Variants in ROCK1 observed in about 807,000 individuals in gnomAD.
The protein encoded by ROCK1 is Rho associated coiled-coil containing protein kinase 1.
Under a neutral mutation model 196.8 loss-of-function variants are expected in ROCK1, and 36 were observed. The observed-to-expected ratio is 0.18, with a 90% CI of 0.14 to 0.24. ROCK1 has a LOEUF of 0.24. ROCK1 is among the 10% of genes least tolerant of loss of function. ROCK1 has a pLI of 1.00. For synonymous variants in ROCK1, 443 were observed against 515.9 expected, an observed-to-expected ratio of 0.86 and a Z score of 1.91; for missense variants, 920 against 1,562.0, an observed-to-expected ratio of 0.59 and a Z score of 6.93.
chr18:21,052,735 C>CT (rs1181498208), intron 2 of ROCK1, among the ~76,000 whole-genome samples: 1 of 151,976 alleles, frequency 6.6e-6, no homozygotes, highest in South Asian at 2.1e-4. Context: ...TTATGAGAAT[C>CT]TTTTTTTAAT....
intron 1 of ROCK1, among the ~76,000 whole-genome samples, chr18:21,106,869 A>T (rs2036707490): frequency 6.6e-6 from 1 of 152,248 alleles, no homozygotes; most frequent in African/African-American, 2.4e-5. Flanking sequence ...AAGATTGGAT[A>T]GCCACTTATC....
chr18:21,023,641 G>T lies in ROCK1; in HGVS notation c.1251C>A (p.Ser417Arg). Residue 417 changes from serine (S) to arginine (R), a missense_variant, in exon 11 of 33, where the codon AGC becomes AGA. Ser to Arg is a moderately radical substitution (Grantham distance 110). This residue lies in a region of ROCK1 where 520 missense variants were observed against 657.1 expected (regional missense o/e 0.79). Transcript: ENST00000399799. ...CTACCAAGCTTTTATCTGCATTGGA[G>T]CTAGTTCTGTTATCATTAGGATTTG... is the stretch of plus-strand genomic sequence containing the variant. The part of the protein sequence containing the change: ...SSANPNDNRT[S>R]SNADKSLQES... 1 of 1,576,364 alleles carries T rather than the reference G, an allele frequency of 6.3e-7. No homozygotes were observed. The highest frequency in any genetic ancestry group is 8.6e-7 in the Non-Finnish European group (1 of 1,159,094).
intron 13 of ROCK1, among the ~76,000 whole-genome samples, chr18:21,012,872 T>C (rs553937710): frequency 6.6e-6 from 1 of 152,334 alleles, no homozygotes; most frequent in East Asian, 1.9e-4. Flanking sequence ...TTTTTCTTTG[T>C]TGAAGGTCTC....
At chr18:21,107,353 C>G (rs1480703422) in intron 1 of ROCK1, among the ~76,000 whole-genome samples, 1 of 152,044 alleles carries the variant, frequency 6.6e-6, no homozygotes, top group Non-Finnish European at 1.5e-5. Context: ...TTGGAAGTTT[C>G]CATTTCTAAG....
At chr18:21,042,010 G>T in intron 8 of ROCK1, 87 bp downstream of exon 8, 1 of 1,189,834 alleles carries the variant, frequency 8.4e-7, no homozygotes, top group Non-Finnish European at 1.2e-6. Flanking sequence ...CAATTTACAT[G>T]TAGAAGCTCA....
chr18:20,967,968 A>G, intron 25 of ROCK1, 28 bp from the exon 26 acceptor site: 2 of 1,415,866 alleles, frequency 1.4e-6, no homozygotes, highest in Non-Finnish European at 1.9e-6. Flanking sequence ...ATAAAGATCA[A>G]TAGTGTAGTC....
chr18:21,027,750 ATTTTTTTTTTTTTTT>A (rs751964514), intron 10 of ROCK1, among the ~76,000 whole-genome samples: 3 of 95,288 alleles, frequency 3.1e-5, no homozygotes, highest in African/African-American at 1.1e-4. Context: ...GAATCACTTA[ATTTTTTTTTTTTTTT>A]TTTTTTTTTT....
At chr18:21,098,788 T>C (rs1449599471) in intron 1 of ROCK1, among the ~76,000 whole-genome samples, 1 of 152,094 alleles carries the variant, frequency 6.6e-6, no homozygotes, top group Non-Finnish European at 1.5e-5. Flanking sequence ...GCCCTTAAAA[T>C]ATGAAAAGAT....
chr18:21,082,951 C>T (rs929030313), intron 1 of ROCK1, among the ~76,000 whole-genome samples: 4 of 152,012 alleles, frequency 2.6e-5, no homozygotes, highest in African/African-American at 7.2e-5. Flanking sequence ...CACACCAAAA[C>T]AAAACAAAAC....
chr18:21,005,683 C>T (rs1298312474), intron 16 of ROCK1, among the ~76,000 whole-genome samples: 1 of 151,982 alleles, frequency 6.6e-6, no homozygotes, highest in Non-Finnish European at 1.5e-5. Context: ...TTGAGACCAG[C>T]CTGGGCAAAA....
At chr18:21,065,299 TTA>T (rs1362488002) in intron 2 of ROCK1, among the ~76,000 whole-genome samples, 1 of 152,324 alleles carries the variant, frequency 6.6e-6, no homozygotes, top group African/African-American at 2.4e-5. Flanking sequence ...ACCATAGCTA[TTA>T]TGTCACTTTT....
intron 12 of ROCK1, among the ~76,000 whole-genome samples, chr18:21,018,789 A>G (rs2143459881): frequency 6.6e-6 from 1 of 152,286 alleles, no homozygotes; most frequent in East Asian, 1.9e-4. Flanking sequence ...CTCTGTCACA[A>G]AATTACCAGT....
intron 1 of ROCK1, among the ~76,000 whole-genome samples, chr18:21,074,672 T>C (rs1205079114): frequency 6.6e-6 from 1 of 152,222 alleles, no homozygotes; most frequent in African/African-American, 2.4e-5. Context: ...ACAGAAATTA[T>C]GTATTTAGCT....
chr18:21,104,454 G>A (rs1296320724), intron 1 of ROCK1, among the ~76,000 whole-genome samples: 3 of 152,004 alleles, frequency 2.0e-5, no homozygotes, highest in Non-Finnish European at 2.9e-5. Context: ...AAAATTAGCC[G>A]GGTGCGGTGG....
chr18:21,083,199 A>C (rs2143572957), intron 1 of ROCK1, among the ~76,000 whole-genome samples: 1 of 152,346 alleles, frequency 6.6e-6, no homozygotes, highest in African/African-American at 2.4e-5. Context: ...ATAAATGAAA[A>C]GACATCCTAT....
chr18:21,030,820 ATGT>A (rs776407268), intron 9 of ROCK1, among the ~76,000 whole-genome samples: 101 of 152,008 alleles, frequency 6.6e-4, no homozygotes, highest in Admixed American at 2.7e-3. Flanking sequence ...AGTCCAGCAG[ATGT>A]TGTCAAAAAT....
chr18:21,017,850 G>A (rs998370077), intron 12 of ROCK1, among the ~76,000 whole-genome samples: 1 of 151,756 alleles, frequency 6.6e-6, no homozygotes, highest in African/African-American at 2.4e-5. Flanking sequence ...GCGGGCGCCT[G>A]TAGTCCCAGC....
At chr18:21,045,161 A>G in intron 5 of ROCK1, 131 bp downstream of exon 5, 1 of 753,982 alleles carries the variant, frequency 1.3e-6, no homozygotes, top group South Asian at 2.3e-5. Flanking sequence ...GCCTGGCCAG[A>G]GTCTTGAGTT....
intron 12 of ROCK1, 47 bp downstream of exon 12, chr18:21,020,104 T>C (rs761353766): frequency 9.0e-7 from 1 of 1,114,356 alleles, no homozygotes; most frequent in East Asian, 2.5e-5. Flanking sequence ...AAGTAAGTAT[T>C]TGGTATATAA....
Sources: gnomAD v4.1 joint callset for allele counts (sites outside exome capture counted in the v4.1 genomes callset) on GRCh38, gnomAD v4.1.1 for gene constraint, gnomAD v4.1.1 regional missense constraint, MANE v1.5 for transcripts, NCBI Gene and HGNC (gene_info 2026-07-23, HGNC 2026-07-21) for gene names.